ANTXR2: variants seen among roughly 807,000 people sequenced by gnomAD.
ANTXR2 encodes the protein anthrax toxin receptor 2.
Under a neutral mutation model 73.7 loss-of-function variants are expected in ANTXR2, and 44 were observed. That is an observed-to-expected ratio of 0.60 (90% CI 0.47 to 0.77). ANTXR2 has a LOEUF of 0.77. ANTXR2 is among the 30% of genes least tolerant of loss of function. ANTXR2 has a pLI of 0.00. For missense variants in ANTXR2, 604 were observed against 592.5 expected, an observed-to-expected ratio of 1.02 and a Z score of -0.20; for synonymous variants, 217 against 205.9, an observed-to-expected ratio of 1.05 and a Z score of -0.46.
At chr4:79,923,146 T>C (rs7685593) in intron 16 of ANTXR2, among the ~76,000 whole-genome samples, 122,826 of 151,816 alleles carry the variant, frequency 0.81, 49,898 homozygotes, top group East Asian at 1. Flanking sequence ...TAAATTTGAT[T>C]TAGGTAGTCA....
At position 79,973,602 on chromosome 4, in the gene ANTXR2, A is replaced by AT. The variant is rs559106147; in HGVS notation, c.1428+4018dup. On this transcript the variant is annotated intron_variant, in intron 16 of 16. Transcript: ENST00000403729. ...CCCACCACGCCTGGCTAATTTTTCT[A>AT]TTTTTTGGTAGAGACAGGGTTTCAC... Among the ~76,000 whole-genome samples, 1,058 of 151,846 alleles carry AT rather than the reference A, an allele frequency of 7.0e-3. 12 individuals are homozygous for AT. Among genetic ancestry groups the AT allele is most frequent in the Non-Finnish European group, 0.012 (814 of 67,942 alleles).
intron 16 of ANTXR2, among the ~76,000 whole-genome samples, chr4:79,913,181 C>A (rs1174627660): frequency 6.6e-6 from 1 of 152,058 alleles, no homozygotes; most frequent in African/African-American, 2.4e-5. Context: ...CTGAATGTGC[C>A]CATAAGTTAA....
intron 11 of ANTXR2, among the ~76,000 whole-genome samples, chr4:80,010,820 A>T (rs1731536641): frequency 6.6e-6 from 1 of 152,276 alleles, no homozygotes; most frequent in Admixed American, 6.5e-5. Context: ...TTACAATATT[A>T]TCATATCGAC....
intron 7 of ANTXR2, among the ~76,000 whole-genome samples, chr4:80,049,267 C>A (rs1733665090): frequency 6.6e-6 from 1 of 151,640 alleles, no homozygotes; most frequent in South Asian, 2.1e-4. Flanking sequence ...TTAATGTTAT[C>A]TTCCATAGTC....
intron 14 of ANTXR2, among the ~76,000 whole-genome samples, chr4:79,981,700 G>A (rs572172264): frequency 1.2e-4 from 18 of 152,154 alleles, no homozygotes; most frequent in Admixed American, 3.9e-4. Flanking sequence ...GATACTCAAC[G>A]TGTATCGTGT....
chr4:79,978,918 T>C (rs1729763186), intron 14 of ANTXR2, among the ~76,000 whole-genome samples: 1 of 152,250 alleles, frequency 6.6e-6, no homozygotes, highest in Non-Finnish European at 1.5e-5. Context: ...TCTTTACTTT[T>C]ATAGTTCTAA....
rs745420177 is a variant in ANTXR2, at chr4:79,902,608, TC to T, written c.*4820del. ...CATACATTTCCCAATGTTTTACCCA[TC>T]TTTTTAGAGATTTCATCAGATATAA... On this transcript the variant is annotated 3_prime_UTR_variant, in exon 17 of 17. Transcript: ENST00000403729. The T allele has an allele frequency of 2.6e-5, 4 of 152,164 alleles. No individual in the cohort carries two copies. Among genetic ancestry groups the T allele is most frequent in the Non-Finnish European group, 5.9e-5 (4 of 68,020 alleles). 9.4% of individuals were successfully genotyped at this position (152,164 alleles called of 1,614,324 possible).
At chr4:79,955,654 TA>T (rs998158869) in intron 16 of ANTXR2, among the ~76,000 whole-genome samples, 1 of 152,062 alleles carries the variant, frequency 6.6e-6, no homozygotes, top group Non-Finnish European at 1.5e-5. Flanking sequence ...TAGATTTTTT[TA>T]AAAAAACAAG....
intron 7 of ANTXR2, among the ~76,000 whole-genome samples, chr4:80,042,649 T>C (rs1733322572): frequency 6.6e-6 from 1 of 152,056 alleles, no homozygotes; most frequent in Admixed American, 6.6e-5. Flanking sequence ...ATATTGAATG[T>C]GAATATGTGA....
chr4:79,902,001 T>C lies in ANTXR2; in HGVS notation c.*5428A>G, dbSNP rs1436728351. The C allele has an allele frequency of 6.6e-6, 1 of 152,172 alleles. No homozygotes were observed. The highest frequency in any genetic ancestry group is 1.5e-5 in the Non-Finnish European group (1 of 68,028). 9.4% of individuals were successfully genotyped at this position (152,172 alleles called of 1,614,324 possible). The stretch of plus-strand genomic sequence containing the variant: ...TGGTTTCTAACAGGCCATGGACCAG[T>C]ACCAGTCCATGACCTGGGGGATGGG... On this transcript the variant is annotated 3_prime_UTR_variant, in exon 17 of 17. Coordinates refer to ENST00000403729, the MANE Select transcript of ANTXR2 (RefSeq NM_058172.6).
rs752921993 is a variant in ANTXR2 at position 79,977,612 on chromosome 4, T to C, written c.1428+9A>G. ...TTAGCTCTTTCTCAATACATTCCCATATACAAACCTCATCTCCTTCCTGAG... is the reference window on the plus strand; with the variant it reads ...TTAGCTCTTTCTCAATACATTCCCACATACAAACCTCATCTCCTTCCTGAG... On this transcript the variant is annotated intron_variant, in intron 16 of 16. Coordinates refer to ENST00000403729, the MANE Select transcript of ANTXR2 (RefSeq NM_058172.6). 20 of 1,567,908 alleles carry C rather than the reference T, an allele frequency of 1.3e-5. No homozygotes were observed. The South Asian group carries it at 2.1e-4, about 17-fold the overall frequency.
chr4:79,959,415 A>G (rs1423545015), intron 16 of ANTXR2, among the ~76,000 whole-genome samples: 2 of 152,134 alleles, frequency 1.3e-5, no homozygotes, highest in African/African-American at 4.8e-5. Flanking sequence ...TCTCTTATGA[A>G]TCACTAGGAT....
chr4:80,012,911 T>C (rs9999865), intron 11 of ANTXR2, among the ~76,000 whole-genome samples: 54,305 of 152,108 alleles, frequency 0.36, 12,078 homozygotes, highest in Non-Finnish European at 0.47. Context: ...TTTTCTCATC[T>C]GCAAAATTAA....
intron 11 of ANTXR2, among the ~76,000 whole-genome samples, chr4:80,016,926 C>T (rs956939333): frequency 6.6e-6 from 1 of 152,234 alleles, no homozygotes; most frequent in East Asian, 1.9e-4. Context: ...GTGGGGCTAC[C>T]CTCCTCTGGG....
intron 16 of ANTXR2, among the ~76,000 whole-genome samples, chr4:79,935,651 G>A (rs1728235537): frequency 6.6e-6 from 1 of 152,166 alleles, no homozygotes; most frequent in Non-Finnish European, 1.5e-5. Flanking sequence ...TAATTGCCTG[G>A]CTAAGGCATG....
intron 16 of ANTXR2, among the ~76,000 whole-genome samples, chr4:79,925,574 C>T (rs1221853404): frequency 3.3e-5 from 5 of 151,962 alleles, no homozygotes; most frequent in Admixed American, 1.3e-4. Context: ...ATTTTCAGGA[C>T]CTACATTTTC....
At chr4:79,990,351 G>A (rs1730403242) in intron 12 of ANTXR2, among the ~76,000 whole-genome samples, 1 of 85,734 alleles carries the variant, frequency 1.2e-5, no homozygotes. Context: ...TCCAAGCTGA[G>A]AGCCAAATCA....
At chr4:79,979,863 T>C (rs1330232023) in intron 14 of ANTXR2, among the ~76,000 whole-genome samples, 2 of 151,380 alleles carry the variant, frequency 1.3e-5, no homozygotes, top group African/African-American at 4.8e-5. Context: ...AAAAAAAAGA[T>C]ACACAATTAA....
chr4:80,045,524 G>T (rs757410986), intron 7 of ANTXR2, among the ~76,000 whole-genome samples: 7 of 150,848 alleles, frequency 4.6e-5, no homozygotes, highest in Non-Finnish European at 1.0e-4. Context: ...CAATTTCCAT[G>T]ACCCACAGCA....
Sources: gnomAD v4.1 joint callset for allele counts (sites outside exome capture counted in the v4.1 genomes callset) on GRCh38, gnomAD v4.1.1 for gene constraint, MANE v1.5 for transcripts, NCBI Gene and HGNC (gene_info 2026-07-23, HGNC 2026-07-21) for gene names.